Variants in CSMD3 observed in about 807,000 individuals in gnomAD.
CSMD3 encodes CUB and sushi domain-containing protein 3.
In CSMD3, 177 loss-of-function variants were observed where a neutral mutation model predicts 435.2. The ratio of observed to expected loss-of-function variants is 0.41; its 90% CI spans 0.36 to 0.46. The LOEUF (loss-of-function observed/expected upper bound fraction) is 0.46. Ranked by LOEUF, CSMD3 falls within the 20% of genes least tolerant of loss-of-function variation. CSMD3 has a pLI of 0.34. For missense variants in CSMD3, 4,265 were observed against 4,504.6 expected, an observed-to-expected ratio of 0.95 and a Z score of 1.52; for synonymous variants, 1,656 against 1,520.5, an observed-to-expected ratio of 1.09 and a Z score of -2.07.
chr8:112,377,061 T>C (rs535535658), intron 38 of CSMD3, among the ~76,000 whole-genome samples: 1 of 152,214 alleles, frequency 6.6e-6, no homozygotes, highest in Non-Finnish European at 1.5e-5. Flanking sequence ...ATTTGGGAGA[T>C]GAATGTACAT....
At chr8:113,335,000 A>C (rs909917596) in intron 1 of CSMD3, among the ~76,000 whole-genome samples, 5 of 152,072 alleles carry the variant, frequency 3.3e-5, no homozygotes, top group African/African-American at 1.2e-4. Flanking sequence ...GTGGGGCCTG[A>C]TGGGAGGTGA....
chr8:112,961,009 T>G (rs2084207603), intron 7 of CSMD3, among the ~76,000 whole-genome samples: 2 of 151,816 alleles, frequency 1.3e-5, no homozygotes, highest in Non-Finnish European at 3.0e-5. Context: ...AAATATCAAA[T>G]GTATGTGATG....
intron 27 of CSMD3, among the ~76,000 whole-genome samples, chr8:112,525,790 ATATATG>A (rs57831276): frequency 7.5e-6 from 1 of 133,040 alleles, no homozygotes; most frequent in Non-Finnish European, 1.6e-5. Flanking sequence ...GTGTGTATAT[ATATATG>A]TATATATATA....
chr8:112,259,540 G>T (rs2130333240), intron 61 of CSMD3, among the ~76,000 whole-genome samples: 1 of 152,122 alleles, frequency 6.6e-6, no homozygotes, highest in East Asian at 1.9e-4. Flanking sequence ...GTATACCTAT[G>T]TAACAAAACT....
chr8:113,368,701 T>A (rs926205523), intron 1 of CSMD3, among the ~76,000 whole-genome samples: 5 of 152,086 alleles, frequency 3.3e-5, no homozygotes, highest in African/African-American at 4.8e-5. Context: ...ACGTCAATAA[T>A]CTTGGCTTTT....
intron 32 of CSMD3, among the ~76,000 whole-genome samples, chr8:112,414,718 T>C (rs1811718987): frequency 6.6e-6 from 1 of 151,934 alleles, no homozygotes; most frequent in African/African-American, 2.4e-5. Context: ...CCCTAAAGAT[T>C]TGTTGAATGG....
intron 13 of CSMD3, among the ~76,000 whole-genome samples, chr8:112,690,945 A>G (rs1016926038): frequency 8.5e-5 from 13 of 152,144 alleles, no homozygotes; most frequent in Non-Finnish European, 1.9e-4. Context: ...ACACTCAAAT[A>G]TCGACACATT....
At chr8:112,655,360 G>T (rs971189932) in intron 18 of CSMD3, among the ~76,000 whole-genome samples, 5 of 151,930 alleles carry the variant, frequency 3.3e-5, no homozygotes, top group African/African-American at 1.2e-4. Context: ...TATCAAAAGT[G>T]CATTTCACGT....
chr8:112,654,434 A>C (rs2131649972), intron 18 of CSMD3, among the ~76,000 whole-genome samples: 1 of 152,328 alleles, frequency 6.6e-6, no homozygotes, highest in Admixed American at 6.5e-5. Flanking sequence ...ATACAAAGTT[A>C]TTTCATCTTG....
chr8:113,049,576 C>CA (rs1368142897), intron 5 of CSMD3, among the ~76,000 whole-genome samples: 3 of 151,984 alleles, frequency 2.0e-5, no homozygotes, highest in Non-Finnish European at 2.9e-5. Flanking sequence ...CAGACACACA[C>CA]AAAAAAGCAG....
intron 10 of CSMD3, among the ~76,000 whole-genome samples, chr8:112,903,905 C>CA (rs946793254): frequency 2.2e-4 from 33 of 151,336 alleles, no homozygotes; most frequent in African/African-American, 7.7e-4. Flanking sequence ...ACAAATAAGA[C>CA]AGAGTCCCTT....
intron 2 of CSMD3, among the ~76,000 whole-genome samples, chr8:113,280,771 T>A (rs1176200429): frequency 1.3e-5 from 2 of 151,826 alleles, no homozygotes; most frequent in Admixed American, 1.3e-4. Context: ...GCTATTTCAG[T>A]CTTTTTGATG....
chr8:112,829,539 A>G, intron 12 of CSMD3, 147 bp downstream of exon 12: 1 of 686,862 alleles, frequency 1.5e-6, no homozygotes, highest in Non-Finnish European at 2.7e-6. Context: ...GCACTAACAG[A>G]TTCTATGAAA....
At chr8:112,741,794 AAGATAGATAGATAGAT>A (rs3039663) in intron 13 of CSMD3, among the ~76,000 whole-genome samples, 1 of 149,352 alleles carries the variant, frequency 6.7e-6, no homozygotes, top group African/African-American at 2.5e-5. Context: ...AGATAGAGAG[AAGATAGATAGATAGAT>A]AGATAGATAG....
At chr8:113,347,573 T>C (rs987071558) in intron 1 of CSMD3, among the ~76,000 whole-genome samples, 12 of 152,078 alleles carry the variant, frequency 7.9e-5, no homozygotes, top group African/African-American at 1.7e-4. Context: ...ACAGCTAAGA[T>C]GACATTGCCA....
At chr8:112,953,076 T>C (rs1022724019) in intron 8 of CSMD3, among the ~76,000 whole-genome samples, 1 of 151,438 alleles carries the variant, frequency 6.6e-6, no homozygotes, top group African/African-American at 2.4e-5. Context: ...ATTTGGAAGT[T>C]TGAACCATGC....
At position 113,039,837 on chromosome 8, in the gene CSMD3, G is replaced by A. The variant is rs144123369; in HGVS notation, c.918-20658C>T. Among the ~76,000 whole-genome samples the A allele has an allele frequency of 1.7e-3, 265 of 152,242 alleles. 1 individual carries two copies. Among genetic ancestry groups the A allele is most frequent in the African/African-American group, 6.2e-3 (257 of 41,546 alleles). ...GAAAACCATCAAATACAATATTATA[G>A]TACCTTCCTTTTAATTTATTCAAGA... On this transcript the variant is annotated intron_variant, in intron 5 of 70. Coordinates refer to ENST00000297405, the MANE Select transcript of CSMD3 (RefSeq NM_198123.2).
chr8:113,433,948 C>T (rs1477038540), intron 1 of CSMD3, among the ~76,000 whole-genome samples: 1 of 152,172 alleles, frequency 6.6e-6, no homozygotes, highest in Non-Finnish European at 1.5e-5. Context: ...TAGGCAGCAC[C>T]TGCCCTGTCC....
chr8:113,186,124 T>G (rs1470955957), intron 3 of CSMD3, among the ~76,000 whole-genome samples: 1 of 152,012 alleles, frequency 6.6e-6, no homozygotes, highest in Non-Finnish European at 1.5e-5. Context: ...GCTTGTCAAT[T>G]CCAGTCACCT....
Sources: allele counts gnomAD v4.1 joint callset (sites outside exome capture counted in the v4.1 genomes callset), GRCh38; gene constraint gnomAD v4.1.1; transcripts MANE v1.5; gene names NCBI Gene and HGNC (gene_info 2026-07-23, HGNC 2026-07-21).